AFG2B: variants seen among roughly 807,000 people sequenced by gnomAD.
The protein encoded by AFG2B is AAA ATPase AFG2B, also known as ATPase family gene 2 protein homolog B.
the AFG2B span, chr15:45,414,811 A>C: frequency 6.4e-7 from 1 of 1,569,120 alleles, no homozygotes; most frequent in South Asian, 1.1e-5. Context: ...GTTTAAATTT[A>C]CTTTTGAATT....
the AFG2B span, chr15:45,405,647 A>C: frequency 3.6e-5 from 27 of 759,916 alleles, no homozygotes; most frequent in Non-Finnish European, 5.4e-5. Context: ...TTTACATCTC[A>C]ACTCTATATA....
chr15:45,403,402 G>C, the AFG2B span: 2 of 1,610,688 alleles, frequency 1.2e-6, no homozygotes, highest in Non-Finnish European at 1.7e-6. Context: ...AGTGGCCCAG[G>C]TGTTGACGCT....
At chr15:45,420,294 T>C in the AFG2B span, among the ~76,000 whole-genome samples, 1 of 152,212 alleles carries the variant, frequency 6.6e-6, no homozygotes, top group African/African-American at 2.4e-5. Context: ...AACAGCCTTG[T>C]ACATGTCTCT....
At chr15:45,407,297 A>T in the AFG2B span, 2 of 1,097,432 alleles carry the variant, frequency 1.8e-6, no homozygotes, top group Non-Finnish European at 2.3e-6. Context: ...ACCAGGGCAG[A>T]TAAGGGATAC....
At chr15:45,404,178 G>A in the AFG2B span, among the ~76,000 whole-genome samples, 1 of 152,230 alleles carries the variant, frequency 6.6e-6, no homozygotes, top group East Asian at 1.9e-4. Context: ...TCTATTTTGT[G>A]ATAGGATTCA....
the AFG2B span, chr15:45,402,854 G>T: frequency 6.3e-7 from 1 of 1,598,528 alleles, no homozygotes; most frequent in Non-Finnish European, 8.5e-7. Flanking sequence ...CTGAGAAACC[G>T]ACCGATCTCC....
chr15:45,419,526 T>A, the AFG2B span, among the ~76,000 whole-genome samples: 1 of 151,748 alleles, frequency 6.6e-6, no homozygotes, highest in African/African-American at 2.4e-5. Context: ...TGTAAACCAC[T>A]CTAAGATACC....
chr15:45,403,046 C>A, the AFG2B span: 1 of 1,557,696 alleles, frequency 6.4e-7, no homozygotes, highest in African/African-American at 1.4e-5. Flanking sequence ...GGAGGTCTTT[C>A]GGAGGCGGCC....
chr15:45,421,195 C>T, the AFG2B span: 449 of 1,600,586 alleles, frequency 2.8e-4, no homozygotes, highest in Non-Finnish European at 3.6e-4. Flanking sequence ...GATTTTCTAA[C>T]GTGGAAGGTA....
the AFG2B span, chr15:45,421,041 A>G: frequency 6.2e-7 from 1 of 1,607,596 alleles, no homozygotes; most frequent in Non-Finnish European, 8.5e-7. Flanking sequence ...GTCTCTTAAT[A>G]GGCTGCTTTG....
At chr15:45,407,030 T>TC in the AFG2B span, 4 of 1,289,196 alleles carry the variant, frequency 3.1e-6, no homozygotes, top group South Asian at 4.9e-5. Flanking sequence ...GCTTTGAAGT[T>TC]CCAGGTTTGA....
the AFG2B span, among the ~76,000 whole-genome samples, chr15:45,403,726 C>T: frequency 6.6e-6 from 1 of 152,114 alleles, no homozygotes; most frequent in Non-Finnish European, 1.5e-5. Context: ...TTGTCAGGAC[C>T]TGTGAGTCAG....
At chr15:45,418,444 A>G in the AFG2B span, 3 of 1,034,352 alleles carry the variant, frequency 2.9e-6, no homozygotes, top group African/African-American at 1.6e-5. Context: ...TAACCCCTAT[A>G]TATATTTTCT....
At chr15:45,406,465 TAGG>T in the AFG2B span, among the ~76,000 whole-genome samples, 3 of 152,214 alleles carry the variant, frequency 2.0e-5, no homozygotes, top group African/African-American at 7.2e-5. Flanking sequence ...TTTTCTAACC[TAGG>T]AGAAGATTGG....
the AFG2B span, among the ~76,000 whole-genome samples, chr15:45,414,184 C>G: frequency 3.3e-5 from 5 of 152,274 alleles, no homozygotes; most frequent in East Asian, 9.7e-4. Context: ...GGAATTGACA[C>G]CTGCGCTGAG....
the AFG2B span, chr15:45,415,467 C>T: frequency 2.3e-6 from 2 of 860,728 alleles, no homozygotes; most frequent in Non-Finnish European, 3.4e-6. Context: ...CACTACACTC[C>T]AAACTGAGCA....
the AFG2B span, chr15:45,410,579 T>C: frequency 6.5e-7 from 1 of 1,531,224 alleles, no homozygotes; most frequent in Non-Finnish European, 8.8e-7. Flanking sequence ...AGATTAACAT[T>C]CTGTGCATTT....
At chr15:45,419,985 G>GCCCCCCCCCC in the AFG2B span, among the ~76,000 whole-genome samples, 1 of 76,852 alleles carries the variant, frequency 1.3e-5, no homozygotes, top group Non-Finnish European at 2.2e-5. Context: ...GCAAGACTCT[G>GCCCCCCCCCC]TCCCCCCCCC....
chr15:45,403,295 C>T, the AFG2B span: 1 of 1,590,194 alleles, frequency 6.3e-7, no homozygotes, highest in Non-Finnish European at 8.5e-7. Context: ...TTCCAGCGCG[C>T]CCGGGAACTG....
Sources: gnomAD v4.1 joint callset for allele counts (sites outside exome capture counted in the v4.1 genomes callset) on GRCh38, gnomAD v4.1.1 for gene constraint, MANE v1.5 for transcripts, NCBI Gene and HGNC (gene_info 2026-07-23, HGNC 2026-07-21) for gene names.